The following MYT1L variants were observed in gnomAD, a reference collection of about 807,000 sequenced individuals.
MYT1L encodes myelin transcription factor 1 like.
In MYT1L, 12 loss-of-function variants were observed where a neutral mutation model predicts 126.7. The ratio of observed to expected loss-of-function variants is 0.09; its 90% CI spans 0.06 to 0.15. The LOEUF is 0.15. MYT1L is among the 10% of genes least tolerant of loss of function. The probability of loss-of-function intolerance (pLI) is 1.00; values close to 1 mark genes in which losing one functional copy is unlikely to be tolerated. For missense variants in MYT1L, 979 were observed against 1,585.2 expected (o/e 0.62, Z 6.49); for synonymous variants, 541 against 604.2 (o/e 0.90, Z 1.53).
At chr2:1,830,283 C>T (rs145019017) in intron 21 of MYT1L, among the ~76,000 whole-genome samples, 2 of 152,190 alleles carry the variant, frequency 1.3e-5, no homozygotes, top group African/African-American at 4.8e-5. Context: ...GTTCTCTTCT[C>T]TTTGCCTCAA....
intron 3 of MYT1L, among the ~76,000 whole-genome samples, chr2:2,145,924 C>G (rs2084809683): frequency 1.3e-5 from 2 of 152,202 alleles, no homozygotes; most frequent in African/African-American, 4.8e-5. Context: ...GTTCAGAGGA[C>G]TTCTATCCTT....
chr2:2,011,545 A>C (rs942023332), intron 4 of MYT1L, among the ~76,000 whole-genome samples: 2 of 152,190 alleles, frequency 1.3e-5, no homozygotes, highest in African/African-American at 4.8e-5. Flanking sequence ...AAATTTTAAA[A>C]AACAGACTTT....
chr2:1,983,657 C>T (rs937304194), intron 5 of MYT1L, among the ~76,000 whole-genome samples: 1 of 152,208 alleles, frequency 6.6e-6, no homozygotes, highest in African/African-American at 2.4e-5. Flanking sequence ...CTTGCTTCCA[C>T]CCAGGGCCTG....
At chr2:2,159,728 C>T (rs537855984) in intron 3 of MYT1L, among the ~76,000 whole-genome samples, 1 of 152,136 alleles carries the variant, frequency 6.6e-6, no homozygotes, top group South Asian at 2.1e-4. Context: ...TTAAAGCCCT[C>T]GCAGCCTTCG....
intron 4 of MYT1L, among the ~76,000 whole-genome samples, chr2:2,051,841 A>G (rs1356473032): frequency 6.6e-6 from 1 of 152,214 alleles, no homozygotes; most frequent in Non-Finnish European, 1.5e-5. Context: ...ACCAGAAAAT[A>G]TAAGAAACCC....
intron 2 of MYT1L, among the ~76,000 whole-genome samples, chr2:2,218,757 T>G (rs1356473981): frequency 2.0e-5 from 3 of 152,168 alleles, no homozygotes; most frequent in Non-Finnish European, 4.4e-5. Context: ...GAGGGTTTGG[T>G]GAAGCAGAGG....
chr2:2,108,122 C>T (rs562635478), intron 3 of MYT1L, among the ~76,000 whole-genome samples: 2 of 152,232 alleles, frequency 1.3e-5, no homozygotes, highest in South Asian at 4.1e-4. Context: ...AATCAAAGCC[C>T]CCTTATTCGG....
At chr2:2,217,234 TA>T (rs2093702009) in intron 2 of MYT1L, among the ~76,000 whole-genome samples, 2 of 152,148 alleles carry the variant, frequency 1.3e-5, no homozygotes, top group African/African-American at 4.8e-5. Context: ...CAAATATCCA[TA>T]ATGAACATAG....
In MYT1L at chr2:2,081,442, T is replaced by C. The variant is rs148519280; in HGVS notation, c.-303-27319A>G. Among the ~76,000 whole-genome samples the C allele has an allele frequency of 6.3e-3, 959 of 152,348 alleles. 14 individuals carry two copies. Among genetic ancestry groups the C allele is most frequent in the African/African-American group, 0.022 (895 of 41,584 alleles). On this transcript the variant is annotated intron_variant, in intron 3 of 24. Transcript: ENST00000647738. ...GACCAAATTGCTTTCTCAATGGTACTGATATGACTATTAAGGGACTCAGCA... is the reference window on the plus strand; with the variant it reads ...GACCAAATTGCTTTCTCAATGGTACCGATATGACTATTAAGGGACTCAGCA...
chr2:1,881,654 C>A (rs900198997), intron 18 of MYT1L, among the ~76,000 whole-genome samples: 2 of 152,012 alleles, frequency 1.3e-5, no homozygotes, highest in Admixed American at 1.3e-4. Context: ...GAGGAGTGGG[C>A]GTGTCAGCTT....
chr2:2,297,509 C>A (rs2095713390), intron 1 of MYT1L, among the ~76,000 whole-genome samples: 1 of 152,184 alleles, frequency 6.6e-6, no homozygotes, highest in Non-Finnish European at 1.5e-5. Context: ...TGCTTTTCTG[C>A]AGACAGATCA....
intron 4 of MYT1L, among the ~76,000 whole-genome samples, chr2:2,016,922 A>T (rs1319902434): frequency 6.6e-6 from 1 of 152,248 alleles, no homozygotes; most frequent in African/African-American, 2.4e-5. Context: ...CATGAATTTC[A>T]CCACACAGAT....
intron 3 of MYT1L, among the ~76,000 whole-genome samples, chr2:2,088,754 T>C (rs2076606428): frequency 6.6e-6 from 1 of 152,204 alleles, no homozygotes; most frequent in Admixed American, 6.5e-5. Flanking sequence ...AATAATACTT[T>C]TAAAGAAAGA....
chr2:2,002,579 A>G (rs1361863821), intron 4 of MYT1L, among the ~76,000 whole-genome samples: 2 of 152,226 alleles, frequency 1.3e-5, no homozygotes, highest in Non-Finnish European at 2.9e-5. Context: ...CAAGCATTAT[A>G]CTAACTGCAA....
chr2:2,262,648 G>A (rs1196343470), intron 2 of MYT1L, among the ~76,000 whole-genome samples: 6 of 142,052 alleles, frequency 4.2e-5, no homozygotes, highest in South Asian at 4.6e-4. Flanking sequence ...AGCCAAGATC[G>A]TGCCACTGCA....
chr2:1,935,488 T>C (rs2055754188), intron 9 of MYT1L, among the ~76,000 whole-genome samples: 1 of 152,166 alleles, frequency 6.6e-6, no homozygotes, highest in Non-Finnish European at 1.5e-5. Context: ...GAGCATAATA[T>C]CATATTGAAA....
intron 10 of MYT1L, among the ~76,000 whole-genome samples, chr2:1,919,886 G>A (rs945176582): frequency 3.9e-5 from 6 of 151,986 alleles, no homozygotes; most frequent in East Asian, 1.9e-4. Context: ...CCACCACCAC[G>A]CCCGGCTGAC....
intron 3 of MYT1L, among the ~76,000 whole-genome samples, chr2:2,137,044 A>G (rs1407853215): frequency 6.6e-6 from 1 of 151,998 alleles, no homozygotes; most frequent in African/African-American, 2.4e-5. Flanking sequence ...ATACACCAAT[A>G]ACAGACAAAC....
intron 2 of MYT1L, among the ~76,000 whole-genome samples, chr2:2,208,999 T>TAC (rs34194445): frequency 0.12 from 17,407 of 149,998 alleles, 1,017 homozygotes; most frequent in East Asian, 0.15. Context: ...GGGAGGCATT[T>TAC]ACACACACAC....
Sources: allele counts gnomAD v4.1 joint callset (sites outside exome capture counted in the v4.1 genomes callset), GRCh38; gene constraint gnomAD v4.1.1; transcripts MANE v1.5; gene names NCBI Gene and HGNC (gene_info 2026-07-23, HGNC 2026-07-21).